Variants in WIF1 observed in about 807,000 individuals in gnomAD.
WIF1 encodes Wnt inhibitory factor 1.
Under a neutral mutation model 53.5 loss-of-function variants are expected in WIF1, and 35 were observed. The observed-to-expected ratio is 0.65, with a 90% CI of 0.50 to 0.87. The LOEUF is 0.87. Ranked by LOEUF, WIF1 falls within the 40% of genes least tolerant of loss-of-function variation. The probability of loss-of-function intolerance (pLI) is 0.00; values close to 1 mark genes in which losing one functional copy is unlikely to be tolerated. For synonymous variants in WIF1, 171 were observed against 170.4 expected (o/e 1.00, Z -0.03); for missense variants, 467 against 476.8 (o/e 0.98, Z 0.19).
intron 3 of WIF1, among the ~76,000 whole-genome samples, chr12:65,074,616 G>A (rs1349701975): frequency 1.3e-5 from 2 of 151,710 alleles, no homozygotes; most frequent in East Asian, 1.9e-4. Context: ...TCAGGAGTTC[G>A]AGACCTGCCT....
intron 2 of WIF1, among the ~76,000 whole-genome samples, chr12:65,117,069 A>G (rs1883523899): frequency 6.6e-6 from 1 of 152,108 alleles, no homozygotes; most frequent in Admixed American, 6.5e-5. Flanking sequence ...GATGTCTAGA[A>G]TATCCTTACA....
chr12:65,055,905 G>A, intron 8 of WIF1, 126 bp downstream of exon 8: 1 of 748,120 alleles, frequency 1.3e-6, no homozygotes, highest in Non-Finnish European at 2.1e-6. Context: ...AAGCATATAT[G>A]TCAGTGAAGA....
rs532201144 is a variant in WIF1 at position 65,076,896 on chromosome 12, C to CA, written c.397+849dup. ...AATGGTTATGTTAAAAGGTTAAAAG[C>CA]AAAAAAAAAAAATCATGACGCAAAA... On this transcript the variant is annotated intron_variant, in intron 3 of 9. Coordinates refer to ENST00000286574, the MANE Select transcript of WIF1 (RefSeq NM_007191.5). Among the ~76,000 whole-genome samples, 557 of 132,152 alleles carry CA rather than the reference C, an allele frequency of 4.2e-3. 4 individuals are homozygous for CA. The highest frequency in any genetic ancestry group is 5.9e-3 in the Non-Finnish European group (353 of 59,908). 86.7% of individuals were successfully genotyped at this position (132,152 alleles called of 152,430 possible).
At chr12:65,120,649 G>T in intron 1 of WIF1, 93 bp from the exon 2 acceptor site, 3 of 1,436,914 alleles carry the variant, frequency 2.1e-6, no homozygotes, top group Non-Finnish European at 2.8e-6. Context: ...AAGAATTAGT[G>T]TGGGTCATTT....
chr12:65,052,465 G>A (rs1274744864), intron 9 of WIF1, among the ~76,000 whole-genome samples: 1 of 152,032 alleles, frequency 6.6e-6, no homozygotes, highest in East Asian at 1.9e-4. Flanking sequence ...AGCCTATGCG[G>A]GGACTTCTGT....
intron 7 of WIF1, 105 bp downstream of exon 7, chr12:65,062,376 A>G: frequency 1.0e-6 from 1 of 969,218 alleles, no homozygotes; most frequent in Non-Finnish European, 1.5e-6. Context: ...TAGACAAGTT[A>G]TTCATTCTCT....
intron 2 of WIF1, among the ~76,000 whole-genome samples, chr12:65,107,146 G>C (rs780249484): frequency 6.6e-6 from 1 of 152,100 alleles, no homozygotes; most frequent in East Asian, 1.9e-4. Context: ...ATTCCATAAA[G>C]AAGTAACTTT....
chr12:65,086,220 A>G (rs1446389540), intron 2 of WIF1, among the ~76,000 whole-genome samples: 3 of 152,080 alleles, frequency 2.0e-5, no homozygotes, highest in Non-Finnish European at 4.4e-5. Flanking sequence ...CACTGCTTTC[A>G]CTGGTTTGCC....
At chr12:65,055,424 A>G (rs1370098356) in intron 8 of WIF1, among the ~76,000 whole-genome samples, 1 of 152,200 alleles carries the variant, frequency 6.6e-6, no homozygotes, top group African/African-American at 2.4e-5. Context: ...TTCATTCGCA[A>G]AAGACATTCA....
chr12:65,056,187 A>G (rs1390020933), intron 7 of WIF1, 61 bp from the exon 8 acceptor site: 1 of 1,501,768 alleles, frequency 6.7e-7, no homozygotes, highest in South Asian at 1.2e-5. Flanking sequence ...AGGTAATTAC[A>G]TTTTTCAAAG....
At chr12:65,120,105 A>G (rs1411189952) in intron 2 of WIF1, among the ~76,000 whole-genome samples, 2 of 152,234 alleles carry the variant, frequency 1.3e-5, no homozygotes, top group Non-Finnish European at 2.9e-5. Flanking sequence ...AAGTATGTTA[A>G]ATTTTAATGT....
In WIF1 at chr12:65,120,394, A is replaced by G. The variant is rs749368287; in HGVS notation, c.288+23T>C. The G allele has an allele frequency of 2.2e-5, 36 of 1,609,218 alleles. No individual in the cohort carries two copies. In the South Asian group the frequency reaches 2.4e-4, roughly 11 times the overall value. On this transcript the variant is annotated intron_variant, in intron 2 of 9. Transcript: ENST00000286574. ...TGCCATAAGGCAGTGGAAATATTAA[A>G]GGGTAATTTTCTCAGAACTTACCTG...
intron 2 of WIF1, among the ~76,000 whole-genome samples, chr12:65,079,234 G>A (rs569570315): frequency 2.8e-4 from 41 of 148,136 alleles, no homozygotes; most frequent in African/African-American, 7.8e-4. Flanking sequence ...AGCAAGAAAA[G>A]GGATCAATGT....
intron 1 of WIF1, 136 bp from the exon 2 acceptor site, chr12:65,120,692 A>G (rs2136297993): frequency 9.9e-7 from 1 of 1,012,582 alleles, no homozygotes; most frequent in Non-Finnish European, 1.4e-6. Flanking sequence ...AGTACCATCA[A>G]CGCTACTAAG....
chr12:65,110,998 A>T (rs190102385), intron 2 of WIF1, among the ~76,000 whole-genome samples: 103 of 152,248 alleles, frequency 6.8e-4, no homozygotes, highest in East Asian at 3.3e-3. Context: ...CCCTGCAGAA[A>T]TCTGAAGGGA....
At chr12:65,053,546 C>T (rs539450223) in intron 9 of WIF1, among the ~76,000 whole-genome samples, 8 of 152,278 alleles carry the variant, frequency 5.3e-5, no homozygotes, top group African/African-American at 1.9e-4. Context: ...GAAGAAGGTA[C>T]CTGCCTCCCT....
At position 65,067,810 on chromosome 12, in the gene WIF1, AG is replaced by A; in HGVS notation, c.539-21del. 1 of 1,608,552 alleles carries A rather than the reference AG, an allele frequency of 6.2e-7. No homozygotes were observed. Among genetic ancestry groups the A allele is most frequent in the Non-Finnish European group, 8.5e-7 (1 of 1,175,736 alleles). Reference sequence around the variant, plus strand: ...ACTCAGCTTCAGCAGAGAGAAACAAAGCTTATATGGACACCCTTGAAATCAT... The same window carrying A: ...ACTCAGCTTCAGCAGAGAGAAACAAACTTATATGGACACCCTTGAAATCAT... On this transcript the variant is annotated intron_variant, in intron 4 of 9. Transcript: ENST00000286574.
rs750548028 is a variant in WIF1, at chr12:65,120,507, A to G, written c.198T>C (p.Phe66=). The G allele has an allele frequency of 1.2e-6, 2 of 1,613,918 alleles. No homozygotes were observed. The highest frequency in any genetic ancestry group is 1.7e-6 in the Non-Finnish European group (2 of 1,179,880). Residue 66 remains phenylalanine, a synonymous_variant, in exon 2 of 10, where the codon TTT becomes TTC. Transcript: ENST00000286574. ...LIVSEGKMAP[F]THDFRKAQQR... ...GTTGTGCTTTTCTGAAATCATGTGT[A>G]AAAGGTGCCATTTTCCCCTCTGAAA...
Position 65,101,243 on chromosome 12 carries a change from G to A in WIF1, c.288+19174C>T, listed in dbSNP as rs186591133. Among the ~76,000 whole-genome samples the A allele has an allele frequency of 2.0e-3, 310 of 152,188 alleles. 6 individuals are homozygous for A. Among genetic ancestry groups the A allele is most frequent in the Admixed American group, 0.019 (290 of 15,274 alleles). On this transcript the variant is annotated intron_variant, in intron 2 of 9. Coordinates refer to ENST00000286574, the MANE Select transcript of WIF1 (RefSeq NM_007191.5). ...GTTATAATTACTACAAAGACAACTA[G>A]CAATATAAAAACCTCAATTTGTAAC...
Sources: gnomAD v4.1 joint callset for allele counts (sites outside exome capture counted in the v4.1 genomes callset) on GRCh38, gnomAD v4.1.1 for gene constraint, MANE v1.5 for transcripts, NCBI Gene and HGNC (gene_info 2026-07-23, HGNC 2026-07-21) for gene names.